Variants in JAK3 observed in about 807,000 individuals in gnomAD.
JAK3 encodes tyrosine-protein kinase JAK3.
JAK3 carries 88 observed loss-of-function variants against 120.8 expected under a neutral mutation model. That is an observed-to-expected ratio of 0.73 (90% CI 0.61 to 0.87). JAK3 has a LOEUF of 0.87. Ranked by LOEUF, JAK3 falls within the 40% of genes least tolerant of loss-of-function variation. The pLI, the probability that JAK3 is intolerant of heterozygous loss-of-function variation, is 0.00. For missense variants in JAK3, 1,254 were observed against 1,501.4 expected, an observed-to-expected ratio of 0.84 and a Z score of 2.72; for synonymous variants, 592 against 628.6, an observed-to-expected ratio of 0.94 and a Z score of 0.87.
chr19:17,835,948 C>T lies in JAK3; in HGVS notation c.1890G>A (p.Gln630=), dbSNP rs193922363. Residue 630 remains glutamine, a synonymous_variant, in exon 14 of 24, where the codon CAG becomes CAA. Transcript: ENST00000458235. ...PASWKLQVVK[Q]LAYALNYLED... ...CCAGATAGTTGAGGGCGTAGGCCAG[C>T]TGTTTGACCACCTGCAGCTTCCAGC... 925 of 1,614,100 alleles carry T rather than the reference C, an allele frequency of 5.7e-4. 15 individuals are homozygous for T. In the South Asian group the frequency reaches 9.7e-3, roughly 17 times the overall value.
rs1032045222 is a variant in JAK3 at position 17,831,605 on chromosome 19, C to T, written c.2805+69G>A. On this transcript the variant is annotated intron_variant, in intron 20 of 23. Coordinates refer to ENST00000458235, the MANE Select transcript of JAK3 (RefSeq NM_000215.4). The surrounding 1 kb of genome is among the most constrained non-coding windows in gnomAD (Gnocchi z 5.1). The stretch of plus-strand genomic sequence containing the variant: ...AACCACTCCTCAGCCTTCACCGCGA[C>T]CTCCAAGCAGACCCCTGCCCAGGCC... 11 of 1,563,100 alleles carry T rather than the reference C, an allele frequency of 7.0e-6. No homozygotes were observed. Among genetic ancestry groups the T allele is most frequent in the Non-Finnish European group, 8.6e-6 (10 of 1,156,460 alleles).
rs201364561 is a variant in JAK3, at chr19:17,832,838, G to A, written c.2442C>T (p.Pro814=). The stretch of plus-strand genomic sequence containing the variant: ...TGAGGTGTCTCTCCTCGAAGATCGT[G>A]GGGTCTTGGCAGGCATAGAGCTGGG... The part of the protein sequence containing the change: ...NGAQLYACQD[P]TIFEERHLKY... The change falls in exon 18 of 24, where the codon CCC becomes CCT. Residue 814 remains proline (P), a synonymous_variant. Coordinates refer to ENST00000458235, the MANE Select transcript of JAK3 (RefSeq NM_000215.4). This position sits in a 1 kb window ranked among gnomAD's most constrained non-coding sequence, Gnocchi z 4.7. 5.0e-6 allele frequency: 8 copies of A among 1,614,242 alleles called. No individual in the cohort carries two copies. Among genetic ancestry groups the A allele is most frequent in the Non-Finnish European group, 6.8e-6 (8 of 1,180,046 alleles).
chr19:17,827,966 C>T (rs1895595241), intron 23 of JAK3, among the ~76,000 whole-genome samples: 1 of 151,764 alleles, frequency 6.6e-6, no homozygotes, highest in South Asian at 2.1e-4. Context: ...TCATCTCCAT[C>T]CCTCCTTCCC....
chr19:17,842,267 G>T lies in JAK3; in HGVS notation c.861+49C>A. ...CCCTACCACTCTCCGGCCCCTCCCCGAGCCCCGCCCCCACGTTGGCCCCGC... is the reference window on the plus strand; with the variant it reads ...CCCTACCACTCTCCGGCCCCTCCCCTAGCCCCGCCCCCACGTTGGCCCCGC... On this transcript the variant is annotated intron_variant, in intron 6 of 23. Coordinates refer to ENST00000458235, the MANE Select transcript of JAK3 (RefSeq NM_000215.4). The surrounding 1 kb of genome is among the most constrained non-coding windows in gnomAD (Gnocchi z 6.4). The T allele has an allele frequency of 1.8e-6, 1 of 546,860 alleles. No individual in the cohort carries two copies. Among genetic ancestry groups the T allele is most frequent in the Non-Finnish European group, 2.7e-6 (1 of 373,496 alleles). The allele number at this position is 546,860 out of a possible 1,614,324, so 33.9% of individuals were successfully genotyped here.
At chr19:17,837,710 C>T (rs1012807500) in intron 12 of JAK3, among the ~76,000 whole-genome samples, 5 of 152,056 alleles carry the variant, frequency 3.3e-5, no homozygotes, top group Non-Finnish European at 5.9e-5. Flanking sequence ...CCACCGCGCC[C>T]GGCCTAAAAT....
chr19:17,827,717 TAAAAAAAAAAAAAAAAAAAAA>T (rs760856974), intron 23 of JAK3, among the ~76,000 whole-genome samples: 43,694 of 77,416 alleles, frequency 0.56, 9,990 homozygotes, highest in East Asian at 0.65. Context: ...CCATCTTAAC[TAAAAAAAAAAAAAAAAAAAAA>T]AAAAAAAAAA....
intron 14 of JAK3, 40 bp from the exon 15 acceptor site, chr19:17,835,255 G>A (rs1237737686): frequency 6.2e-7 from 1 of 1,605,860 alleles, no homozygotes; most frequent in Admixed American, 1.7e-5. Flanking sequence ...GGGAGGGTTT[G>A]ATGAATGAAG....
chr19:17,845,966 C>T (rs774032045), intron 1 of JAK3, among the ~76,000 whole-genome samples: 6 of 151,958 alleles, frequency 3.9e-5, no homozygotes, highest in African/African-American at 7.3e-5. Flanking sequence ...TACAGGGGCA[C>T]GCCACCATGC....
In JAK3 at chr19:17,830,211, A is replaced by T. The variant is rs2094211254; in HGVS notation, c.3104T>A (p.Leu1035Gln). The part of the protein sequence containing the change: ...DKSCSPSAEF[L>Q]RMMGCERDVP... ...ATCCCGCTCACATCCCATCATCCGCAGGAACTCCTGGAGCCAAGGAGGAGC... is the reference window on the plus strand; with the variant it reads ...ATCCCGCTCACATCCCATCATCCGCTGGAACTCCTGGAGCCAAGGAGGAGC... The change falls in exon 23 of 24, where the codon CTG becomes CAG. Residue 1035 changes from leucine (L) to glutamine (Q), a missense_variant. Coordinates refer to ENST00000458235, the MANE Select transcript of JAK3 (RefSeq NM_000215.4). The T allele has an allele frequency of 1.3e-6, 2 of 1,557,030 alleles. No individual in the cohort carries two copies. Among genetic ancestry groups the T allele is most frequent in the Admixed American group, 3.7e-5 (2 of 54,198 alleles).
In JAK3 at chr19:17,843,581, G is replaced by C. The variant is rs1252640601; in HGVS notation, c.309-90C>G. 1.3e-5 allele frequency: 16 copies of C among 1,193,740 alleles called. No individual in the cohort carries two copies. In the East Asian group the frequency reaches 3.8e-4, roughly 29 times the overall value. The allele number at this position is 1,193,740 out of a possible 1,614,324, so 73.9% of individuals were successfully genotyped here. ...GGTGGGGGCGAGGGACAGATTCTGC[G>C]GAGGCCTCACAGAGCCCAGCTTGTA... On this transcript the variant is annotated intron_variant, in intron 3 of 23. Transcript: ENST00000458235. This position sits in a 1 kb window ranked among gnomAD's most constrained non-coding sequence, Gnocchi z 5.4.
In JAK3 at chr19:17,830,116, G is replaced by A; in HGVS notation, c.3199C>T (p.Pro1067Ser). The A allele has an allele frequency of 6.3e-7, 1 of 1,579,180 alleles. No individual in the cohort carries two copies. Among genetic ancestry groups the A allele is most frequent in the Non-Finnish European group, 8.6e-7 (1 of 1,163,646 alleles). Residue 1067 changes from proline (P) to serine (S), a missense_variant, in exon 23 of 24, where the codon CCT (proline) becomes TCT (serine). By Grantham distance (74) the Pro-to-Ser change is moderately conservative. Coordinates refer to ENST00000458235, the MANE Select transcript of JAK3 (RefSeq NM_000215.4). ...AGCCCTGCGGCGCTCACCTCAGCAGGGCAGGCAGGAGGCGCCGGCAGCCTC... is the reference window on the plus strand; with the variant it reads ...AGCCCTGCGGCGCTCACCTCAGCAGAGCAGGCAGGAGGCGCCGGCAGCCTC... Reference protein sequence around the residue: ...GQRLPAPPACPAEVHELMKLC... With the variant: ...GQRLPAPPACSAEVHELMKLC...
intron 12 of JAK3, among the ~76,000 whole-genome samples, chr19:17,837,706 C>T (rs751682990): frequency 3.9e-5 from 6 of 152,098 alleles, no homozygotes; most frequent in South Asian, 2.1e-4. Flanking sequence ...TGAGCCACCG[C>T]GCCCGGCCTA....
Position 17,829,158 on chromosome 19 carries a change from G to GTTTA in JAK3, c.3207+946_3207+949dup, listed in dbSNP as rs3212785. On this transcript the variant is annotated intron_variant, in intron 23 of 23. Transcript: ENST00000458235. The stretch of plus-strand genomic sequence containing the variant: ...AAAATTATTTTTATCTTATTTGTTT[G>GTTTA]TTTATTTATTTATTTATTTATTTTG... Among the ~76,000 whole-genome samples, 308 of 151,738 alleles carry GTTTA rather than the reference G, an allele frequency of 2.0e-3. 1 individual carries two copies. The highest frequency in any genetic ancestry group is 3.2e-3 in the African/African-American group (133 of 41,382).
intron 13 of JAK3, 176 bp downstream of exon 13, chr19:17,836,953 C>T (rs991259224): frequency 6.6e-5 from 46 of 694,300 alleles, no homozygotes; most frequent in African/African-American, 3.7e-4. Flanking sequence ...AACCTGGAGC[C>T]GCTTTCCAAG....
At position 17,831,745 on chromosome 19, in the gene JAK3, C is replaced by A. The variant is rs2147676935; in HGVS notation, c.2734G>T (p.Asp912Tyr). 1 of 1,612,524 alleles carries A rather than the reference C, an allele frequency of 6.2e-7. No homozygotes were observed. The highest frequency in any genetic ancestry group is 8.5e-7 in the Non-Finnish European group (1 of 1,179,794). Residue 912 changes from aspartate to tyrosine, a missense_variant, in exon 20 of 24, where the codon GAC becomes TAC. Asp to Tyr is a radical substitution (Grantham distance 160). Coordinates refer to ENST00000458235, the MANE Select transcript of JAK3 (RefSeq NM_000215.4). This position sits in a 1 kb window ranked among gnomAD's most constrained non-coding sequence, Gnocchi z 5.1. ...CGCGCGCGGTGCCGCTGCAGGAAGTCGCGCAAGCAGCCGCTGGGCAGGTAC... is the reference window on the plus strand; with the variant it reads ...CGCGCGCGGTGCCGCTGCAGGAAGTAGCGCAAGCAGCCGCTGGGCAGGTAC... ...MEYLPSGCLR[D>Y]FLQRHRARLD...
intron 1 of JAK3, among the ~76,000 whole-genome samples, chr19:17,844,702 C>A (rs940974897): frequency 3.3e-5 from 5 of 150,548 alleles, no homozygotes; most frequent in South Asian, 2.1e-4. Context: ...GAGGCTGAGG[C>A]AGGACAATCA....
chr19:17,845,659 G>A (rs757405916), intron 1 of JAK3, among the ~76,000 whole-genome samples: 1 of 152,150 alleles, frequency 6.6e-6, no homozygotes, highest in Non-Finnish European at 1.5e-5. Flanking sequence ...TGAGACAGGA[G>A]GATGCCTTCA....
Position 17,843,986 on chromosome 19 carries a change from AT to A in JAK3, c.185-87del. On this transcript the variant is annotated intron_variant, in intron 2 of 23. Coordinates refer to ENST00000458235, the MANE Select transcript of JAK3 (RefSeq NM_000215.4). The surrounding 1 kb of genome is among the most constrained non-coding windows in gnomAD (Gnocchi z 5.4). ...GCCAGCATCATACCCAACCGTCCAG[AT>A]CCTTCCATACCTCAAGGTATGACCA... 2 of 1,526,708 alleles carry A rather than the reference AT, an allele frequency of 1.3e-6. No individual in the cohort carries two copies. Among genetic ancestry groups the A allele is most frequent in the East Asian group, 4.7e-5 (2 of 42,636 alleles). The allele number at this position is 1,526,708 out of a possible 1,614,324, so 94.6% of individuals were successfully genotyped here. A position where few individuals can be genotyped will look rare whatever the true frequency, so the allele number is the denominator to read the frequency against.
chr19:17,838,406 G>A lies in JAK3; in HGVS notation c.1442-16C>T, dbSNP rs2147689218. The A allele has an allele frequency of 1.9e-6, 3 of 1,614,182 alleles. No homozygotes were observed. Among genetic ancestry groups the A allele is most frequent in the Non-Finnish European group, 2.5e-6 (3 of 1,180,026 alleles). On this transcript the variant is annotated splice_polypyrimidine_tract_variant and intron_variant, in intron 10 of 23. Coordinates refer to ENST00000458235, the MANE Select transcript of JAK3 (RefSeq NM_000215.4). ...TTGGACTTTTCTATGGGGAGAGGATGAGGGAGAAAAACCAGAAATCAGAGG... is the reference window on the plus strand; with the variant it reads ...TTGGACTTTTCTATGGGGAGAGGATAAGGGAGAAAAACCAGAAATCAGAGG...
Sources: allele counts gnomAD v4.1 joint callset (sites outside exome capture counted in the v4.1 genomes callset), GRCh38; gene constraint gnomAD v4.1.1; non-coding constraint Gnocchi (gnomAD v3.1); transcripts MANE v1.5; gene names NCBI Gene and HGNC (gene_info 2026-07-23, HGNC 2026-07-21).